The following KAT5 variants were observed in gnomAD, a reference collection of about 807,000 sequenced individuals.
KAT5 encodes lysine acetyltransferase 5, also known as histone acetyltransferase KAT5.
KAT5 carries 31 observed loss-of-function variants against 68.1 expected under a neutral mutation model. The observed-to-expected ratio is 0.46, with a 90% CI of 0.34 to 0.61. The LOEUF is 0.61. Among genes scored for constraint, KAT5 ranks in the 20% least tolerant of loss-of-function variants. The probability of loss-of-function intolerance (pLI) is 0.01; values close to 1 mark genes in which losing one functional copy is unlikely to be tolerated. For missense variants in KAT5, 451 were observed against 725.5 expected, an observed-to-expected ratio of 0.62 and a Z score of 4.35; for synonymous variants, 365 against 292.6, an observed-to-expected ratio of 1.25 and a Z score of -2.52.
chr11:65,717,124 T>G (rs1287504755), intron 10 of KAT5, 142 bp downstream of exon 10: 6 of 675,122 alleles, frequency 8.9e-6, no homozygotes, highest in African/African-American at 1.8e-5. Flanking sequence ...AGTGGCACTC[T>G]CCCGGGGTTC....
Position 65,718,516 on chromosome 11 carries a change from C to T in KAT5, c.1265-74C>T, listed in dbSNP as rs1464365813. On this transcript the variant is annotated intron_variant, in intron 10 of 12. Transcript: ENST00000341318. The stretch of plus-strand genomic sequence containing the variant: ...ATAGGAACTAGGCAGCCTGCCTTGG[C>T]AACCTGTGTTTTTAAATGTTGCTTA... The T allele has an allele frequency of 2.0e-6, 3 of 1,521,722 alleles. No homozygotes were observed. In the Admixed American group the frequency reaches 5.5e-5, roughly 28 times the overall value. 94.3% of individuals were successfully genotyped at this position (1,521,722 alleles called of 1,614,324 possible).
rs767147481 is a variant in KAT5 at position 65,712,373 on chromosome 11, C to T, written c.106C>T (p.Pro36Ser). The T allele has an allele frequency of 2.2e-5, 35 of 1,576,150 alleles. No individual in the cohort carries two copies. The highest frequency in any genetic ancestry group is 2.8e-5 in the Non-Finnish European group (33 of 1,169,334). ...AGCCGACCCTGGCGTCGCGCTGTCT[C>T]CCCAGGGGGAGATAATCGAGGGCTG... ...PVADPGVALS[P>S]QGEIIEGCRL... is the part of the protein sequence containing the mutation. The change falls in exon 1 of 13, where the codon CCC becomes TCC. Residue 36 changes from proline (P) to serine (S), a missense_variant. Physicochemically the swap from Pro to Ser is moderately conservative, Grantham distance 74 (BLOSUM62 -1). This residue lies in a region of KAT5 where 104 missense variants were observed against 107.3 expected (regional missense o/e 0.97). Coordinates refer to ENST00000341318, the MANE Select transcript of KAT5 (RefSeq NM_182710.3).
chr11:65,713,982 C>A, intron 6 of KAT5, 134 bp downstream of exon 6: 1 of 814,582 alleles, frequency 1.2e-6, no homozygotes, highest in Non-Finnish European at 2.0e-6. Context: ...GATTAGGAGA[C>A]AGGCAGAACA....
Position 65,712,402 on chromosome 11 carries a change from C to T in KAT5, c.135C>T (p.Arg45=). The T allele has an allele frequency of 1.9e-6, 3 of 1,587,654 alleles. No homozygotes were observed. The highest frequency in any genetic ancestry group is 8.5e-7 in the Non-Finnish European group (1 of 1,172,676). ...AGGGGGAGATAATCGAGGGCTGCCGCCTACCCGTGCTGCGGCGGAACCAGG... is the reference window on the plus strand; with the variant it reads ...AGGGGGAGATAATCGAGGGCTGCCGTCTACCCGTGCTGCGGCGGAACCAGG... ...SPQGEIIEGC[R]LPVLRRNQDN... is the part of the protein sequence containing the mutation. The change falls in exon 1 of 13, where the codon CGC becomes CGT. Residue 45 remains arginine, a synonymous_variant. Transcript: ENST00000341318.
rs752331334 is a variant in KAT5, at chr11:65,714,660, G to C, written c.856G>C (p.Glu286Gln). 2 of 1,614,204 alleles carry C rather than the reference G, an allele frequency of 1.2e-6. No homozygotes were observed. Among genetic ancestry groups the C allele is most frequent in the South Asian group, 1.1e-5 (1 of 91,088 alleles). Reference protein sequence around the residue: ...KPWYFSPYPQELTTLPVLYLC... With the variant: ...KPWYFSPYPQQLTTLPVLYLC... ...GTGGTACTTCTCCCCGTACCCACAG[G>C]AACTCACCACATTGCCTGTCCTCTA... The change falls in exon 7 of 13, where the codon GAA (glutamate) becomes CAA (glutamine). Residue 286 changes from glutamate to glutamine, a missense_variant. By Grantham distance (29) the Glu-to-Gln change is conservative. Around this residue, in one of 4 missense-constraint regions of KAT5, gnomAD observed 210 missense variants for 423.7 expected, o/e 0.50. Transcript: ENST00000341318.
intron 8 of KAT5, among the ~76,000 whole-genome samples, chr11:65,715,576 C>T (rs1242617836): frequency 5.9e-5 from 9 of 151,388 alleles, no homozygotes; most frequent in East Asian, 1.9e-4. Context: ...CTGGCTAACA[C>T]GGTTAAACCC....
Position 65,714,142 on chromosome 11 carries a change from T to A in KAT5, c.690+294T>A. The A allele has an allele frequency of 1.6e-5, 8 of 506,920 alleles. No individual in the cohort carries two copies. In the South Asian group the frequency reaches 1.8e-4, roughly 11 times the overall value. The allele number at this position is 506,920 out of a possible 1,614,324, so 31.4% of individuals were successfully genotyped here. On this transcript the variant is annotated intron_variant, in intron 6 of 12. Transcript: ENST00000341318. Reference sequence around the variant, plus strand: ...GGTGAAACCTTGTTTCTACTAGAAATACAAAAATTAGCCAGGCGTGGTGGC... The same window carrying A: ...GGTGAAACCTTGTTTCTACTAGAAAAACAAAAATTAGCCAGGCGTGGTGGC...
chr11:65,718,562 C>G (rs758299499), intron 10 of KAT5, 28 bp from the exon 11 acceptor site: 21 of 1,600,696 alleles, frequency 1.3e-5, no homozygotes, highest in South Asian at 5.5e-5. Context: ...TGACCTCTTA[C>G]TCACCCTCTC....
Position 65,718,665 on chromosome 11 carries a change from A to G in KAT5, c.1340A>G (p.Tyr447Cys). The stretch of plus-strand genomic sequence containing the variant: ...CTCTCAGACCTTGGCCTCCTATCCT[A>G]TCGAAGCTACTGGTCCCAGACCATC... ...KPLSDLGLLS[Y>C]RSYWSQTILE... Residue 447 changes from tyrosine (Y) to cysteine (C), a missense_variant, in exon 11 of 13, where the codon TAT becomes TGT. This residue lies in a region of KAT5 where 210 missense variants were observed against 423.7 expected (regional missense o/e 0.50). Coordinates refer to ENST00000341318, the MANE Select transcript of KAT5 (RefSeq NM_182710.3). 1.2e-6 allele frequency: 2 copies of G among 1,614,150 alleles called. No individual in the cohort carries two copies. Among genetic ancestry groups the G allele is most frequent in the Non-Finnish European group, 8.5e-7 (1 of 1,180,018 alleles).
chr11:65,714,242 C>G (rs890900672), intron 6 of KAT5: 1 of 558,686 alleles, frequency 1.8e-6, no homozygotes, highest in Non-Finnish European at 3.2e-6. Flanking sequence ...TTGCAGTGAG[C>G]CAAGATCGCG....
Position 65,713,477 on chromosome 11 carries a change from T to C in KAT5, c.514T>C (p.Cys172Arg). The change falls in exon 4 of 13, where the codon TGC becomes CGC. Residue 172 changes from cysteine (C) to arginine (R), a missense_variant. Transcript: ENST00000341318. ...TGACCAGCCGCTCTCCTCCAGCTCCTGCCTGCAGCCCAACCACCGCTCAAC... is the reference window on the plus strand; with the variant it reads ...TGACCAGCCGCTCTCCTCCAGCTCCCGCCTGCAGCCCAACCACCGCTCAAC... ...EPDQPLSSSS[C>R]LQPNHRSTKR... 6.2e-7 allele frequency: 1 copy of C among 1,614,238 alleles called. No homozygotes were observed. The highest frequency in any genetic ancestry group is 8.5e-7 in the Non-Finnish European group (1 of 1,180,046).
chr11:65,714,426 G>C, intron 6 of KAT5, 69 bp from the exon 7 acceptor site: 1 of 1,558,306 alleles, frequency 6.4e-7, no homozygotes, highest in Non-Finnish European at 8.7e-7. Context: ...ACCTGTCAAA[G>C]GGCTGTGAGC....
intron 3 of KAT5, 27 bp from the exon 4 acceptor site, chr11:65,713,321 A>G (rs749756934): frequency 6.2e-7 from 1 of 1,606,908 alleles, no homozygotes; most frequent in Non-Finnish European, 8.5e-7. Flanking sequence ...CCCGCCCCAA[A>G]GGAAGACCCT....
intron 10 of KAT5, chr11:65,717,626 TCTAG>T (rs1442470598): frequency 4.5e-5 from 7 of 156,658 alleles, no homozygotes; most frequent in Admixed American, 4.2e-4. Flanking sequence ...AGGAGGAAGT[TCTAG>T]CTGTTGACCT....
At chr11:65,714,129 T>G in intron 6 of KAT5, 2 of 518,486 alleles carry the variant, frequency 3.9e-6, no homozygotes, top group East Asian at 3.5e-5. Context: ...TGAAACCTTG[T>G]TTCTACTAGA....
At chr11:65,713,984 G>A (rs1223105806) in intron 6 of KAT5, 136 bp downstream of exon 6, 6 of 801,054 alleles carry the variant, frequency 7.5e-6, no homozygotes, top group African/African-American at 1.7e-5. Context: ...TTAGGAGACA[G>A]GCAGAACATT....
Position 65,712,377 on chromosome 11 carries a change from A to G in KAT5, c.110A>G (p.Gln37Arg). Residue 37 changes from glutamine to arginine, a missense_variant, in exon 1 of 13, where the codon CAG (glutamine) becomes CGG (arginine). This residue lies in a region of KAT5 where 104 missense variants were observed against 107.3 expected (regional missense o/e 0.97). Coordinates refer to ENST00000341318, the MANE Select transcript of KAT5 (RefSeq NM_182710.3). ...GACCCTGGCGTCGCGCTGTCTCCCC[A>G]GGGGGAGATAATCGAGGGCTGCCGC... ...VADPGVALSP[Q>R]GEIIEGCRLP... is the part of the protein sequence containing the mutation. 6.3e-7 allele frequency: 1 copy of G among 1,577,508 alleles called. No individual in the cohort carries two copies. The highest frequency in any genetic ancestry group is 1.2e-5 in the South Asian group (1 of 85,812).
At position 65,714,734 on chromosome 11, in the gene KAT5, G is replaced by A; in HGVS notation, c.930G>A (p.Gln310=). 5 of 1,614,184 alleles carry A rather than the reference G, an allele frequency of 3.1e-6. No individual in the cohort carries two copies. The highest frequency in any genetic ancestry group is 8.5e-7 in the Non-Finnish European group (1 of 1,180,032). Residue 310 remains glutamine (Q), a synonymous_variant, in exon 7 of 13, where the codon CAG becomes CAA. Coordinates refer to ENST00000341318, the MANE Select transcript of KAT5 (RefSeq NM_182710.3). The stretch of plus-strand genomic sequence containing the variant: ...ACGGCCGTAGTCTCAAGTGTCTTCA[G>A]CGTCATTTGGTATGAGGGGTCCAGG... ...LKYGRSLKCL[Q]RHLTKCDLRH...
In KAT5 at chr11:65,717,143, C is replaced by T. The variant is rs532942449; in HGVS notation, c.1264+161C>T. 896 of 637,170 alleles carry T rather than the reference C, an allele frequency of 1.4e-3. 1 individual carries two copies. Among genetic ancestry groups the T allele is most frequent in the Non-Finnish European group, 2.2e-3 (783 of 355,518 alleles). 39.5% of individuals were successfully genotyped at this position (637,170 alleles called of 1,614,324 possible). A position where few individuals can be genotyped will look rare whatever the true frequency, so the allele number is the denominator to read the frequency against. Reference sequence around the variant, plus strand: ...GCACTCTCCCGGGGTTCTCTCCGTTCAGGCTGACTGCCCTGCTTATCTGGG... The same window carrying T: ...GCACTCTCCCGGGGTTCTCTCCGTTTAGGCTGACTGCCCTGCTTATCTGGG... On this transcript the variant is annotated intron_variant, in intron 10 of 12. Transcript: ENST00000341318.
Sources: allele counts gnomAD v4.1 joint callset (sites outside exome capture counted in the v4.1 genomes callset), GRCh38; gene constraint gnomAD v4.1.1; regional missense constraint gnomAD v4.1.1; transcripts MANE v1.5; gene names NCBI Gene and HGNC (gene_info 2026-07-23, HGNC 2026-07-21).